UBE2R2: variants seen among roughly 807,000 people sequenced by gnomAD.
UBE2R2 encodes the protein ubiquitin conjugating enzyme E2 R2, also known as ubiquitin-conjugating enzyme E2 R2.
UBE2R2 carries 1 observed loss-of-function variant against 27.8 expected under a neutral mutation model. The observed-to-expected ratio is 0.04, with a 90% CI of 0.01 to 0.17. The LOEUF (loss-of-function observed/expected upper bound fraction) is 0.17, where lower values mean the gene tolerates loss of function less well. Among genes scored for constraint, UBE2R2 ranks in the 10% least tolerant of loss-of-function variants. The probability of loss-of-function intolerance (pLI) is 1.00; values close to 1 mark genes in which losing one functional copy is unlikely to be tolerated. For synonymous variants in UBE2R2, 106 were observed against 113.3 expected (o/e 0.94, Z 0.41); for missense variants, 100 against 291.0 (o/e 0.34, Z 4.78).
chr9:33,920,337 T>A lies in UBE2R2; in HGVS notation c.*3100T>A, dbSNP rs1044542516. The A allele has an allele frequency of 1.3e-5, 2 of 152,014 alleles. No homozygotes were observed. The highest frequency in any genetic ancestry group is 4.8e-5 in the African/African-American group (2 of 41,318). 9.4% of individuals were successfully genotyped at this position (152,014 alleles called of 1,614,324 possible). A position where few individuals can be genotyped will look rare whatever the true frequency, so the allele number is the denominator to read the frequency against. On this transcript the variant is annotated 3_prime_UTR_variant, in exon 5 of 5. Coordinates refer to ENST00000263228, the MANE Select transcript of UBE2R2 (RefSeq NM_017811.4). ...TTCCCCTTTAGTGGTTTATTTTGTC[T>A]TTTTCTGCCCATCTGTCTACTAATA...
intron 1 of UBE2R2, among the ~76,000 whole-genome samples, chr9:33,839,612 A>G (rs1308386653): frequency 1.3e-5 from 2 of 152,172 alleles, no homozygotes; most frequent in Admixed American, 1.3e-4. Flanking sequence ...TGCAGCAAGA[A>G]GGCATCGTAT....
chr9:33,824,208 A>T (rs1820248518), intron 1 of UBE2R2, among the ~76,000 whole-genome samples: 1 of 152,094 alleles, frequency 6.6e-6, no homozygotes. Context: ...AATTTCTTAG[A>T]TGGCCAGGTG....
At chr9:33,823,576 A>G (rs753487053) in intron 1 of UBE2R2, among the ~76,000 whole-genome samples, 1 of 151,978 alleles carries the variant, frequency 6.6e-6, no homozygotes, top group Non-Finnish European at 1.5e-5. Context: ...GGGTTTCACC[A>G]TGTTGTCCAG....
At chr9:33,870,871 G>C (rs1445482224) in intron 1 of UBE2R2, among the ~76,000 whole-genome samples, 9 of 152,154 alleles carry the variant, frequency 5.9e-5, no homozygotes, top group Admixed American at 2.6e-4. Flanking sequence ...ACTGAGAGTT[G>C]TCCTTGAATT....
chr9:33,830,368 G>T, intron 1 of UBE2R2, among the ~76,000 whole-genome samples: 1 of 149,526 alleles, frequency 6.7e-6, no homozygotes, highest in Non-Finnish European at 1.5e-5. Context: ...TGTTGGCCAG[G>T]CTGGTCTCGA....
Position 33,917,486 on chromosome 9 carries a change from C to CT in UBE2R2, c.*256dup, listed in dbSNP as rs747854717. The CT allele has an allele frequency of 8.7e-6, 5 of 571,588 alleles. No individual in the cohort carries two copies. Among genetic ancestry groups the CT allele is most frequent in the East Asian group, 3.0e-5 (1 of 33,548 alleles). 35.4% of individuals were successfully genotyped at this position (571,588 alleles called of 1,614,324 possible). On this transcript the variant is annotated 3_prime_UTR_variant, in exon 5 of 5. Coordinates refer to ENST00000263228, the MANE Select transcript of UBE2R2 (RefSeq NM_017811.4). ...TTACCCTTCCATCACTATATTGATT[C>CT]TTTTTTTAAAAAATATGAACCCAAA...
intron 1 of UBE2R2, among the ~76,000 whole-genome samples, chr9:33,880,343 A>G (rs113941220): frequency 1.3e-5 from 2 of 152,160 alleles, no homozygotes; most frequent in African/African-American, 4.8e-5. Context: ...GTTCAATTAA[A>G]CAATTTTCTA....
chr9:33,865,140 G>A (rs10971747), intron 1 of UBE2R2, among the ~76,000 whole-genome samples: 29,956 of 151,554 alleles, frequency 0.2, 3,236 homozygotes, highest in South Asian at 0.33. Flanking sequence ...GGATTGCAGT[G>A]TGAGCCACTG....
At chr9:33,877,424 C>T (rs1256196123) in intron 1 of UBE2R2, among the ~76,000 whole-genome samples, 4 of 151,818 alleles carry the variant, frequency 2.6e-5, no homozygotes, top group African/African-American at 9.7e-5. Context: ...CCTCGTGATC[C>T]GCCCGCCTCA....
At chr9:33,875,637 T>C (rs184825263) in intron 1 of UBE2R2, among the ~76,000 whole-genome samples, 50 of 152,326 alleles carry the variant, frequency 3.3e-4, no homozygotes, top group Admixed American at 1.6e-3. Flanking sequence ...ATGATCCTCA[T>C]GATAACTCCC....
intron 4 of UBE2R2, among the ~76,000 whole-genome samples, chr9:33,916,491 TCCCCTAAGCA>T (rs1425580483): frequency 1.3e-5 from 2 of 152,104 alleles, no homozygotes; most frequent in African/African-American, 4.8e-5. Flanking sequence ...CCCTAGCCAA[TCCCCTAAGCA>T]CCCCACCCCA....
chr9:33,846,666 G>A (rs1011813450), intron 1 of UBE2R2, among the ~76,000 whole-genome samples: 1 of 152,154 alleles, frequency 6.6e-6, no homozygotes, highest in African/African-American at 2.4e-5. Flanking sequence ...GTGAAGTGAT[G>A]AGAACACCAC....
chr9:33,900,715 A>T (rs1048342743), intron 3 of UBE2R2, among the ~76,000 whole-genome samples: 1 of 152,098 alleles, frequency 6.6e-6, no homozygotes, highest in Non-Finnish European at 1.5e-5. Flanking sequence ...ATATCTATAT[A>T]TGTACGTGTA....
intron 1 of UBE2R2, among the ~76,000 whole-genome samples, chr9:33,884,297 T>C (rs1821807484): frequency 6.9e-6 from 1 of 145,580 alleles, no homozygotes; most frequent in Non-Finnish European, 1.5e-5. Context: ...TTCTTTTTTT[T>C]TTTTTGAGAC....
chr9:33,866,735 C>G (rs1821372567), intron 1 of UBE2R2, among the ~76,000 whole-genome samples: 1 of 152,106 alleles, frequency 6.6e-6, no homozygotes, highest in South Asian at 2.1e-4. Context: ...CAGGATAATC[C>G]CTATCCTAAT....
In UBE2R2 at chr9:33,911,954, C is replaced by T. The variant is rs1428138207; in HGVS notation, c.363-10C>T. 7 of 1,599,466 alleles carry T rather than the reference C, an allele frequency of 4.4e-6. No individual in the cohort carries two copies. The highest frequency in any genetic ancestry group is 3.5e-5 in the Admixed American group (2 of 57,142). ...GGTATTCATAGCTGATCCTTTTTTC[C>T]TGTTTCTAGGACTATCCTATTAAGT... On this transcript the variant is annotated splice_polypyrimidine_tract_variant and intron_variant, in intron 3 of 4. Transcript: ENST00000263228.
chr9:33,866,145 T>C (rs1821358045), intron 1 of UBE2R2, among the ~76,000 whole-genome samples: 1 of 152,012 alleles, frequency 6.6e-6, no homozygotes, highest in Non-Finnish European at 1.5e-5. Flanking sequence ...CATTTAGTTT[T>C]CTAATGTGCT....
At chr9:33,912,434 G>GC (rs1313592768) in intron 4 of UBE2R2, among the ~76,000 whole-genome samples, 3 of 151,978 alleles carry the variant, frequency 2.0e-5, no homozygotes, top group Admixed American at 2.0e-4. Flanking sequence ...AGACCGGCTG[G>GC]CCAACATGGT....
At chr9:33,916,703 C>A (rs1165644568) in intron 4 of UBE2R2, among the ~76,000 whole-genome samples, 1 of 152,178 alleles carries the variant, frequency 6.6e-6, no homozygotes, top group East Asian at 1.9e-4. Context: ...CTTAAGTCGC[C>A]GACCTATTGG....
Sources: gnomAD v4.1 joint callset for allele counts (sites outside exome capture counted in the v4.1 genomes callset) on GRCh38, gnomAD v4.1.1 for gene constraint, MANE v1.5 for transcripts, NCBI Gene and HGNC (gene_info 2026-07-23, HGNC 2026-07-21) for gene names.